Variants in RELL1 observed in about 807,000 individuals in gnomAD.
RELL1 encodes RELT-like protein 1.
RELL1 carries 10 observed loss-of-function variants against 23.0 expected under a neutral mutation model. The ratio of observed to expected loss-of-function variants is 0.43; its 90% CI spans 0.27 to 0.74. The LOEUF is 0.74. Ranked by LOEUF, RELL1 falls within the 30% of genes least tolerant of loss-of-function variation. The pLI is 0.19. For synonymous variants in RELL1, 146 were observed against 146.8 expected (o/e 0.99, Z 0.04); for missense variants, 315 against 364.4 (o/e 0.86, Z 1.10).
At chr4:37,603,377 G>A (rs538464021) in intron 6 of RELL1, among the ~76,000 whole-genome samples, 1 of 152,194 alleles carries the variant, frequency 6.6e-6, no homozygotes, top group Non-Finnish European at 1.5e-5. Context: ...CCTGCAGCAT[G>A]GTTCTGGGAA....
downstream of RELL1, chr4:37,588,997 T>A (rs1205181150): frequency 3.4e-6 from 3 of 886,988 alleles, no homozygotes; most frequent in Admixed American, 5.6e-5. Flanking sequence ...TTTATCCAGC[T>A]TGGGGCATGA....
chr4:37,624,708 C>T (rs575841033), intron 6 of RELL1, among the ~76,000 whole-genome samples: 167 of 152,192 alleles, frequency 1.1e-3, no homozygotes, highest in Non-Finnish European at 4.4e-4. Flanking sequence ...GGATTACAGG[C>T]GTGAGCCACC....
chr4:37,640,747 AT>A (rs5857577), intron 3 of RELL1, among the ~76,000 whole-genome samples: 41,162 of 151,234 alleles, frequency 0.27, 5,808 homozygotes, highest in East Asian at 0.4. Context: ...GCAACCATCC[AT>A]TTTTTTTTTC....
At chr4:37,596,766 G>T (rs1447407307) in intron 6 of RELL1, among the ~76,000 whole-genome samples, 2 of 16,988 alleles carry the variant, frequency 1.2e-4, no homozygotes, top group Non-Finnish European at 3.6e-4. Context: ...TTTTTTTTTT[G>T]AGATGGAGAT....
intron 5 of RELL1, 57 bp from the exon 6 acceptor site, chr4:37,631,580 T>C: frequency 6.3e-7 from 1 of 1,579,014 alleles, no homozygotes; most frequent in South Asian, 1.2e-5. Context: ...ACAAGAATTA[T>C]GAATAAAGCA....
intron 1 of RELL1, among the ~76,000 whole-genome samples, chr4:37,682,996 TGTGG>T (rs938379901): frequency 6.6e-6 from 1 of 152,210 alleles, no homozygotes; most frequent in Non-Finnish European, 1.5e-5. Context: ...TTTGGGTGCT[TGTGG>T]TATATAGTTT....
chr4:37,669,070 C>T, intron 1 of RELL1, among the ~76,000 whole-genome samples: 1 of 133,924 alleles, frequency 7.5e-6, no homozygotes, highest in African/African-American at 3.2e-5. Flanking sequence ...GGTCAGCCCC[C>T]CGCCTGGCCA....
At chr4:37,636,902 C>A (rs1038536040) in intron 4 of RELL1, among the ~76,000 whole-genome samples, 1 of 152,174 alleles carries the variant, frequency 6.6e-6, no homozygotes, top group Non-Finnish European at 1.5e-5. Context: ...GTTGAGGAGA[C>A]CGCCTCAAAC....
chr4:37,604,499 G>A (rs1719099830), intron 6 of RELL1, among the ~76,000 whole-genome samples: 2 of 151,982 alleles, frequency 1.3e-5, no homozygotes, highest in Admixed American at 1.3e-4. Flanking sequence ...TTGTTTTCAA[G>A]GACATACACA....
In RELL1 at chr4:37,647,412, C is replaced by T. The variant is rs537366485; in HGVS notation, c.341G>A (p.Ser114Asn). The T allele has an allele frequency of 2.7e-5, 44 of 1,613,026 alleles. No homozygotes were observed. The highest frequency in any genetic ancestry group is 3.6e-5 in the Non-Finnish European group (43 of 1,179,156). ...GTGGACGATTTGCCCAACAGTGTCACTGTTTTCATTCACACTGTCATTCAA... is the reference window on the plus strand; with the variant it reads ...GTGGACGATTTGCCCAACAGTGTCATTGTTTTCATTCACACTGTCATTCAA... Reference protein sequence around the residue: ...IELNDSVNENSDTVGQIVHYI... With the variant: ...IELNDSVNENNDTVGQIVHYI... Residue 114 changes from serine (S) to asparagine (N), a missense_variant, in exon 3 of 7, where the codon AGT (serine) becomes AAT (asparagine). Ser to Asn is a conservative substitution (Grantham distance 46). Coordinates refer to ENST00000454158, the MANE Select transcript of RELL1 (RefSeq NM_001085400.2).
chr4:37,624,196 T>C (rs1460918339), intron 6 of RELL1, among the ~76,000 whole-genome samples: 3 of 152,044 alleles, frequency 2.0e-5, no homozygotes, highest in African/African-American at 4.8e-5. Context: ...AGGAGGGAGT[T>C]TGAGCCATGA....
At chr4:37,640,525 G>C (rs758404087) in intron 3 of RELL1, among the ~76,000 whole-genome samples, 2 of 152,052 alleles carry the variant, frequency 1.3e-5, no homozygotes, top group African/African-American at 2.4e-5. Context: ...CAGTATCCAT[G>C]CGGGGATGTT....
chr4:37,681,736 C>T (rs750379014), intron 1 of RELL1, among the ~76,000 whole-genome samples: 1 of 152,016 alleles, frequency 6.6e-6, no homozygotes. Context: ...ACCATATTGG[C>T]CAGGCTGGTC....
chr4:37,676,364 A>C (rs1286717301), intron 1 of RELL1, among the ~76,000 whole-genome samples: 2 of 152,218 alleles, frequency 1.3e-5, no homozygotes, highest in East Asian at 1.9e-4. Context: ...CCACGAAACA[A>C]TTGGTTTTGA....
At chr4:37,615,003 T>C (rs1719529325) in intron 6 of RELL1, among the ~76,000 whole-genome samples, 1 of 152,074 alleles carries the variant, frequency 6.6e-6, no homozygotes, top group African/African-American at 2.4e-5. Context: ...TGGATTCAAA[T>C]CCAGACCCCT....
At chr4:37,588,777 A>T (rs1718441671), downstream of RELL1, 4 of 1,188,398 alleles carry the variant, frequency 3.4e-6, no homozygotes, top group African/African-American at 4.6e-5. Context: ...AGGGAAAAAA[A>T]AAGGCAAACT....
intron 1 of RELL1, among the ~76,000 whole-genome samples, chr4:37,673,597 T>A (rs1282601393): frequency 6.6e-6 from 1 of 152,188 alleles, no homozygotes; most frequent in Non-Finnish European, 1.5e-5. Flanking sequence ...ATTAAATCTA[T>A]TCTGCTGCAT....
At chr4:37,629,799 A>G (rs1720061352) in intron 6 of RELL1, among the ~76,000 whole-genome samples, 1 of 152,292 alleles carries the variant, frequency 6.6e-6, no homozygotes, top group South Asian at 2.1e-4. Context: ...ATTATCAGAG[A>G]AGCTTCACCC....
intron 1 of RELL1, among the ~76,000 whole-genome samples, chr4:37,685,042 G>A (rs376666704): frequency 1.3e-5 from 2 of 152,128 alleles, no homozygotes; most frequent in Admixed American, 6.5e-5. Flanking sequence ...ACGGAAATAC[G>A]GGCCTGCTAA....
Sources: gnomAD v4.1 joint callset for allele counts (sites outside exome capture counted in the v4.1 genomes callset) on GRCh38, gnomAD v4.1.1 for gene constraint, MANE v1.5 for transcripts, NCBI Gene and HGNC (gene_info 2026-07-23, HGNC 2026-07-21) for gene names.